Variants in C12orf42 observed in about 807,000 individuals in gnomAD.
C12orf42 encodes the protein chromosome 12 open reading frame 42.
Under a neutral mutation model 21.6 loss-of-function variants are expected in C12orf42, and 25 were observed. The observed-to-expected ratio is 1.16, with a 90% CI of 0.84 to 1.62. The LOEUF (loss-of-function observed/expected upper bound fraction) is 1.62. Among genes scored for constraint, C12orf42 ranks in the 40% most tolerant of loss-of-function variants. The pLI is 0.00. For synonymous variants in C12orf42, 174 were observed against 175.0 expected (o/e 0.99, Z 0.05); for missense variants, 483 against 459.3 (o/e 1.05, Z -0.47).
At chr12:103,413,584 G>A (rs1297165186) in intron 2 of C12orf42, among the ~76,000 whole-genome samples, 1 of 151,968 alleles carries the variant, frequency 6.6e-6, no homozygotes, top group Non-Finnish European at 1.5e-5. Flanking sequence ...TCCATTACCT[G>A]AGCAGTGTGC....
the C12orf42 span, among the ~76,000 whole-genome samples, chr12:103,101,373 T>C: frequency 0.57 from 87,386 of 152,060 alleles, 26,224 homozygotes; most frequent in East Asian, 0.82. Flanking sequence ...AAGTTGATTA[T>C]TCTCATAGGC....
chr12:103,287,445 A>C (rs536739965), intron 4 of C12orf42, among the ~76,000 whole-genome samples: 2 of 134,566 alleles, frequency 1.5e-5, no homozygotes, highest in Admixed American at 7.1e-5. Context: ...TCAGCAAACT[A>C]TCACAAGGAC....
chr12:103,084,155 A>G, the C12orf42 span, among the ~76,000 whole-genome samples: 1 of 152,076 alleles, frequency 6.6e-6, no homozygotes, highest in Non-Finnish European at 1.5e-5. Context: ...CTTGTTGACT[A>G]TTTCTTGTGC....
chr12:103,274,033 C>A, intron 5 of C12orf42: 1 of 435,942 alleles, frequency 2.3e-6, no homozygotes, highest in Non-Finnish European at 4.6e-6. Context: ...CTCTGCCTTT[C>A]AGACACTCAG....
At chr12:103,529,376 T>A in the C12orf42 span, among the ~76,000 whole-genome samples, 9,803 of 152,312 alleles carry the variant, frequency 0.064, 426 homozygotes, top group Non-Finnish European at 0.095. Context: ...TTAGACTTTG[T>A]CCATTCCTGT....
chr12:103,201,903 A>G, the C12orf42 span, among the ~76,000 whole-genome samples: 2 of 152,224 alleles, frequency 1.3e-5, no homozygotes, highest in African/African-American at 2.4e-5. Flanking sequence ...AAATAAATAT[A>G]AAATAAGCAA....
chr12:103,240,801 C>G (rs2033699337), intron 10 of C12orf42, among the ~76,000 whole-genome samples: 1 of 152,168 alleles, frequency 6.6e-6, no homozygotes, highest in Non-Finnish European at 1.5e-5. Flanking sequence ...TGAATGTACA[C>G]TTCCCCAAGA....
At chr12:103,350,576 A>G (rs2043022909) in intron 4 of C12orf42, among the ~76,000 whole-genome samples, 1 of 152,164 alleles carries the variant, frequency 6.6e-6, no homozygotes, top group African/African-American at 2.4e-5. Flanking sequence ...TATGTATAGG[A>G]GAAAACATAG....
chr12:103,478,575 T>A, intron 1 of C12orf42, 128 bp from the exon 2 acceptor site: 1 of 445,630 alleles, frequency 2.2e-6, no homozygotes, highest in Admixed American at 4.5e-5. Flanking sequence ...TGCCAGTGAC[T>A]TTCAATAATT....
the C12orf42 span, among the ~76,000 whole-genome samples, chr12:103,158,184 G>C: frequency 1.3e-5 from 2 of 152,174 alleles, no homozygotes; most frequent in Non-Finnish European, 2.9e-5. Context: ...TGTCTGATGA[G>C]ATGAATTTTG....
the C12orf42 span, among the ~76,000 whole-genome samples, chr12:103,185,530 C>T: frequency 6.6e-6 from 1 of 151,524 alleles, no homozygotes; most frequent in South Asian, 2.1e-4. Flanking sequence ...CTTCTTTTTT[C>T]TCCTGCCAGG....
rs1016584590 is a variant in C12orf42 at position 103,345,756 on chromosome 12, G to C, written c.259+23131C>G. Among the ~76,000 whole-genome samples, 16 of 152,236 alleles carry C rather than the reference G, an allele frequency of 1.1e-4. 1 individual carries two copies. The South Asian group carries it at 3.3e-3, about 32-fold the overall frequency. ...GTTTAATTCAATAGTATTATAGTAAGTCAACTGGGTATAATATTGTTGAGC... is the reference window on the plus strand; with the variant it reads ...GTTTAATTCAATAGTATTATAGTAACTCAACTGGGTATAATATTGTTGAGC... On this transcript the variant is annotated intron_variant, in intron 4 of 5. Transcript: ENST00000548883.
At chr12:103,361,344 G>C (rs185135509) in intron 4 of C12orf42, among the ~76,000 whole-genome samples, 12 of 152,108 alleles carry the variant, frequency 7.9e-5, no homozygotes, top group African/African-American at 2.9e-4. Flanking sequence ...GTGAAATACA[G>C]GGGTAGAGGA....
the C12orf42 span, among the ~76,000 whole-genome samples, chr12:103,156,721 C>T: frequency 2.6e-5 from 4 of 151,996 alleles, no homozygotes; most frequent in Admixed American, 6.6e-5. Context: ...TGAGAATATG[C>T]GGTATTTGGT....
the C12orf42 span, among the ~76,000 whole-genome samples, chr12:103,167,879 CGTGTGTGTGTGTGT>C: frequency 7.5e-6 from 1 of 134,102 alleles, no homozygotes; most frequent in African/African-American, 3.0e-5. Context: ...GAGGGGTGGG[CGTGTGTGTGTGTGT>C]GTGTGTGTGT....
chr12:103,419,768 T>C (rs2049702481), intron 2 of C12orf42, among the ~76,000 whole-genome samples: 5 of 152,200 alleles, frequency 3.3e-5, no homozygotes, highest in Admixed American at 2.6e-4. Flanking sequence ...TTTCCATTCC[T>C]GGCCACCTTG....
At chr12:103,165,876 A>T in the C12orf42 span, among the ~76,000 whole-genome samples, 1 of 152,118 alleles carries the variant, frequency 6.6e-6, no homozygotes, top group Non-Finnish European at 1.5e-5. Flanking sequence ...CCCCATCTCT[A>T]CTAAAAATAC....
Position 103,428,688 on chromosome 12 carries a change from T to C in C12orf42, c.79-27013A>G, listed in dbSNP as rs138980657. 8.9e-3 allele frequency among the ~76,000 whole-genome samples: 1,360 copies of C among 152,136 alleles called. 18 individuals are homozygous for C. The highest frequency in any genetic ancestry group is 0.031 in the African/African-American group (1,278 of 41,492). The stretch of plus-strand genomic sequence containing the variant: ...AAAAAAAGAAAATTTCAGGCCAATA[T>C]CCCTGATGAACATTGATGCAAAAAT... On this transcript the variant is annotated intron_variant, in intron 2 of 5. Transcript: ENST00000548883.
At chr12:103,208,661 A>C in the C12orf42 span, among the ~76,000 whole-genome samples, 10 of 152,234 alleles carry the variant, frequency 6.6e-5, no homozygotes, top group South Asian at 4.1e-4. Context: ...AACATGCAGA[A>C]CAATAGCAAT....
Sources: gnomAD v4.1 joint callset for allele counts (sites outside exome capture counted in the v4.1 genomes callset) on GRCh38, gnomAD v4.1.1 for gene constraint, MANE v1.5 for transcripts, NCBI Gene and HGNC (gene_info 2026-07-23, HGNC 2026-07-21) for gene names.